Variants in ZFP62 observed in about 807,000 individuals in gnomAD.
ZFP62 encodes ZFP62 zinc finger protein.
A neutral mutation model predicts 56.4 loss-of-function variants in ZFP62; 44 were observed. That is an observed-to-expected ratio of 0.78 (90% CI 0.61 to 1.00). The LOEUF is 1.00. Among genes scored for constraint, ZFP62 ranks in the 50% least tolerant of loss-of-function variants. The pLI is 0.00. For synonymous variants in ZFP62, 421 were observed against 388.9 expected (o/e 1.08, Z -0.97); for missense variants, 1,030 against 1,085.7 (o/e 0.95, Z 0.72).
At chr5:180,843,376 A>G (rs1329319546), downstream of ZFP62, among the ~76,000 whole-genome samples, 2 of 152,144 alleles carry the variant, frequency 1.3e-5, no homozygotes, top group Admixed American at 1.3e-4. Context: ...ATAACTATAA[A>G]TTAAAGGGCT....
rs145689643 is a variant in ZFP62 at position 180,848,315 on chromosome 5, C to A, written c.*477G>T. The A allele has an allele frequency of 9.6e-3, 9,435 of 986,088 alleles. 54 individuals carry two copies. Among genetic ancestry groups the A allele is most frequent in the Non-Finnish European group, 0.01 (8,688 of 830,426 alleles). 61.1% of individuals were successfully genotyped at this position (986,088 alleles called of 1,614,324 possible). A position where few individuals can be genotyped will look rare whatever the true frequency, so the allele number is the denominator to read the frequency against. The stretch of plus-strand genomic sequence containing the variant: ...CACTAATATTAAATAAATTTATATT[C>A]CCTGAAACCTATCCTCCCTGAATTT... On this transcript the variant is annotated 3_prime_UTR_variant, in exon 2 of 2. Transcript: ENST00000502412.
the ZFP62 span, among the ~76,000 whole-genome samples, chr5:180,829,493 G>GT: frequency 4.6e-5 from 7 of 152,196 alleles, no homozygotes; most frequent in Non-Finnish European, 5.9e-5. Context: ...TGGCCCAGCT[G>GT]TAAAATTCCG....
the ZFP62 span, among the ~76,000 whole-genome samples, chr5:180,836,281 G>C: frequency 6.6e-6 from 1 of 152,222 alleles, no homozygotes; most frequent in Non-Finnish European, 1.5e-5. Flanking sequence ...TCACAGACTT[G>C]GAAGACAGAA....
At chr5:180,857,444 A>G (rs534318913) in intron 1 of ZFP62, among the ~76,000 whole-genome samples, 2 of 152,128 alleles carry the variant, frequency 1.3e-5, no homozygotes, top group Non-Finnish European at 2.9e-5. Flanking sequence ...AAGGAATCAG[A>G]GCTAATTTAG....
chr5:180,829,399 C>T, the ZFP62 span, among the ~76,000 whole-genome samples: 1 of 152,246 alleles, frequency 6.6e-6, no homozygotes, highest in Non-Finnish European at 1.5e-5. Flanking sequence ...ACTCCCTCCC[C>T]TTTTGAAATC....
chr5:180,853,703 T>C (rs2113697788), intron 1 of ZFP62, among the ~76,000 whole-genome samples: 1 of 152,286 alleles, frequency 6.6e-6, no homozygotes, highest in South Asian at 2.1e-4. Context: ...ACTACGTAAG[T>C]ACATTCAGTC....
the ZFP62 span, chr5:180,830,230 C>T: frequency 6.6e-6 from 1 of 152,244 alleles, no homozygotes; most frequent in Non-Finnish European, 1.5e-5. Flanking sequence ...GTCTTGTTGA[C>T]TCTGTTACTG....
rs1357522642 is a variant in ZFP62 at position 180,851,051 on chromosome 5, T to C, written c.444A>G (p.Lys148=). ...KKLHKCDECG[K]SFKYNSRLVQ... is the part of the protein sequence containing the mutation. ...CAAGGCGGGAATTATATTTGAAGGA[T>C]TTCCCACATTCATCACATTTATGTA... The change falls in exon 2 of 2, where the codon AAA becomes AAG. Residue 148 remains lysine, a synonymous_variant. Transcript: ENST00000502412. 5.8e-6 allele frequency: 9 copies of C among 1,551,396 alleles called. No individual in the cohort carries two copies. The highest frequency in any genetic ancestry group is 1.4e-5 in the African/African-American group (1 of 73,040).
At chr5:180,842,574 G>A in the ZFP62 span, among the ~76,000 whole-genome samples, 1 of 152,302 alleles carries the variant, frequency 6.6e-6, no homozygotes, top group East Asian at 1.9e-4. Flanking sequence ...AGAACATGAG[G>A]TCTAACCTAG....
intron 1 of ZFP62, among the ~76,000 whole-genome samples, chr5:180,858,149 T>C (rs1774089824): frequency 6.9e-6 from 1 of 144,188 alleles, no homozygotes; most frequent in Non-Finnish European, 1.5e-5. Context: ...CCCAGCTACT[T>C]GGGAGGCTGA....
intron 1 of ZFP62, among the ~76,000 whole-genome samples, chr5:180,852,213 A>G (rs1357407343): frequency 1.3e-5 from 2 of 152,206 alleles, no homozygotes; most frequent in Non-Finnish European, 2.9e-5. Flanking sequence ...TTACCAGAGA[A>G]AAGATGGTCC....
chr5:180,837,975 C>G, the ZFP62 span, among the ~76,000 whole-genome samples: 1 of 152,126 alleles, frequency 6.6e-6, no homozygotes, highest in Non-Finnish European at 1.5e-5. Flanking sequence ...CTTACATTTG[C>G]CAATGCACTT....
chr5:180,842,254 A>C, the ZFP62 span, among the ~76,000 whole-genome samples: 2 of 152,234 alleles, frequency 1.3e-5, no homozygotes, highest in African/African-American at 4.8e-5. Context: ...AGATACAGTG[A>C]GAAGGCTTTA....
In ZFP62 at chr5:180,850,506, A is replaced by T; in HGVS notation, c.989T>A (p.Ile330Asn). 1 of 1,552,848 alleles carries T rather than the reference A, an allele frequency of 6.4e-7. No homozygotes were observed. The highest frequency in any genetic ancestry group is 8.7e-7 in the Non-Finnish European group (1 of 1,147,606). The change falls in exon 2 of 2, where the codon ATC becomes AAC. Residue 330 changes from isoleucine to asparagine, a missense_variant. Coordinates refer to ENST00000502412, the MANE Select transcript of ZFP62 (RefSeq NM_001172638.2). ...TCRTLLNHKS[I>N]HFGDKPYKCD... Reference sequence around the variant, plus strand: ...TTTATAGGGTTTATCTCCAAAGTGGATGCTTTTATGGTTGAGAAGTGTTCT... The same window carrying T: ...TTTATAGGGTTTATCTCCAAAGTGGTTGCTTTTATGGTTGAGAAGTGTTCT...
chr5:180,840,696 C>T, the ZFP62 span, among the ~76,000 whole-genome samples: 1 of 151,936 alleles, frequency 6.6e-6, no homozygotes, highest in African/African-American at 2.4e-5. Context: ...GTGGAGGTTG[C>T]AGTGAGCCAA....
chr5:180,858,260 AAAAAAAAAAAAAAAAAAAG>A (rs1774103597), intron 1 of ZFP62, among the ~76,000 whole-genome samples: 1 of 52,018 alleles, frequency 1.9e-5, no homozygotes, highest in Non-Finnish European at 4.0e-5. Flanking sequence ...TCTGTCTCAA[AAAAAAAAAAAAAAAAAAAG>A]AAAAAAAGAA....
At chr5:180,835,973 C>T in the ZFP62 span, among the ~76,000 whole-genome samples, 1 of 152,218 alleles carries the variant, frequency 6.6e-6, no homozygotes, top group Admixed American at 6.5e-5. Flanking sequence ...ACAATTATAA[C>T]ACCATTATTT....
intron 1 of ZFP62, among the ~76,000 whole-genome samples, chr5:180,855,768 A>G (rs1168580259): frequency 6.6e-6 from 1 of 152,158 alleles, no homozygotes; most frequent in African/African-American, 2.4e-5. Flanking sequence ...TCTTACTGCT[A>G]AGGCCTTAGT....
chr5:180,854,359 T>C (rs1290862218), intron 1 of ZFP62, among the ~76,000 whole-genome samples: 3 of 152,142 alleles, frequency 2.0e-5, no homozygotes, highest in Non-Finnish European at 2.9e-5. Flanking sequence ...TCTACACAGG[T>C]ACAAACAGGG....
Sources: gnomAD v4.1 joint callset for allele counts (sites outside exome capture counted in the v4.1 genomes callset) on GRCh38, gnomAD v4.1.1 for gene constraint, MANE v1.5 for transcripts, NCBI Gene and HGNC (gene_info 2026-07-23, HGNC 2026-07-21) for gene names.